GRIK2: variants seen among roughly 807,000 people sequenced by gnomAD.
GRIK2 encodes glutamate receptor ionotropic, kainate 2.
A neutral mutation model predicts 100.3 loss-of-function variants in GRIK2; 32 were observed. The ratio of observed to expected loss-of-function variants is 0.32; its 90% CI spans 0.24 to 0.43. The LOEUF (loss-of-function observed/expected upper bound fraction) is 0.43. Ranked by LOEUF, GRIK2 falls within the 20% of genes least tolerant of loss-of-function variation. GRIK2 has a pLI of 1.00. For synonymous variants in GRIK2, 417 were observed against 389.4 expected (o/e 1.07, Z -0.83); for missense variants, 843 against 1,114.9 (o/e 0.76, Z 3.47).
chr6:101,827,734 A>G (rs1021718672), intron 10 of GRIK2, among the ~76,000 whole-genome samples: 1 of 152,030 alleles, frequency 6.6e-6, no homozygotes, highest in Non-Finnish European at 1.5e-5. Flanking sequence ...AAGAAGATTT[A>G]CTACTCTAAA....
At chr6:101,898,165 AC>A (rs1312034974) in intron 12 of GRIK2, among the ~76,000 whole-genome samples, 1 of 151,794 alleles carries the variant, frequency 6.6e-6, no homozygotes, top group African/African-American at 2.4e-5. Flanking sequence ...CCAGCCCCTC[AC>A]CCTCACCACA....
intron 16 of GRIK2, among the ~76,000 whole-genome samples, chr6:102,055,862 A>T (rs1192778762): frequency 6.6e-6 from 1 of 152,082 alleles, no homozygotes; most frequent in Non-Finnish European, 1.5e-5. Flanking sequence ...CTTAAAAAAT[A>T]AACTTTTGTT....
intron 4 of GRIK2, among the ~76,000 whole-genome samples, chr6:101,635,867 A>G (rs1406701869): frequency 6.6e-6 from 1 of 152,140 alleles, no homozygotes; most frequent in South Asian, 2.1e-4. Flanking sequence ...GCTGGAGAGG[A>G]TGTGGAGAAA....
At chr6:101,794,866 A>ATT (rs554125741) in intron 7 of GRIK2, among the ~76,000 whole-genome samples, 42 of 134,774 alleles carry the variant, frequency 3.1e-4, no homozygotes, top group African/African-American at 4.9e-4. Context: ...GCTTGTTTCA[A>ATT]TTTTTTTTTT....
intron 14 of GRIK2, among the ~76,000 whole-genome samples, chr6:101,954,211 A>C (rs1253323011): frequency 6.6e-6 from 1 of 152,146 alleles, no homozygotes; most frequent in Non-Finnish European, 1.5e-5. Context: ...TGTTTTGACT[A>C]TGTCAGGTTC....
chr6:101,745,757 G>A (rs1776386046), intron 7 of GRIK2, among the ~76,000 whole-genome samples: 1 of 152,016 alleles, frequency 6.6e-6, no homozygotes, highest in South Asian at 2.1e-4. Context: ...ATGTTTCCCA[G>A]TTTCTCTCCT....
At chr6:101,665,631 TG>T (rs1206758554) in intron 4 of GRIK2, among the ~76,000 whole-genome samples, 1 of 152,236 alleles carries the variant, frequency 6.6e-6, no homozygotes, top group African/African-American at 2.4e-5. Context: ...TATGAATTGC[TG>T]TTGGATATAC....
chr6:101,508,785 T>C (rs953953587), intron 2 of GRIK2, among the ~76,000 whole-genome samples: 6 of 152,186 alleles, frequency 3.9e-5, no homozygotes, highest in African/African-American at 1.4e-4. Flanking sequence ...GAATTCCATT[T>C]CTGATATGTT....
chr6:101,914,041 A>T (rs1050443202), intron 12 of GRIK2, among the ~76,000 whole-genome samples: 1 of 151,546 alleles, frequency 6.6e-6, no homozygotes, highest in Admixed American at 6.6e-5. Flanking sequence ...TAGGTGAGAG[A>T]ATCAAAAGAT....
chr6:101,966,988 A>C (rs2128484576), intron 14 of GRIK2, among the ~76,000 whole-genome samples: 1 of 152,160 alleles, frequency 6.6e-6, no homozygotes, highest in South Asian at 2.1e-4. Flanking sequence ...TATTAAGCTA[A>C]GTTTTAAGTT....
chr6:101,627,422 G>C (rs377421184), intron 4 of GRIK2, among the ~76,000 whole-genome samples: 1 of 152,080 alleles, frequency 6.6e-6, no homozygotes, highest in Non-Finnish European at 1.5e-5. Context: ...GATTACAGGT[G>C]TGAGCCACTG....
In GRIK2 at chr6:101,541,377, CACACACACACACACA is replaced by C. The variant is rs1775980792; in HGVS notation, c.116-80571_116-80557del. On this transcript the variant is annotated intron_variant, in intron 2 of 16. Coordinates refer to ENST00000369134, the MANE Select transcript of GRIK2 (RefSeq NM_021956.5). ...GATGTTACACCCCAGCGCACACAACCACACACACACACACACACACACACACACACACACACACAC... is the reference window on the plus strand; with the variant it reads ...GATGTTACACCCCAGCGCACACAACCCACACACACACACACACACACACAC... 5.7e-3 allele frequency among the ~76,000 whole-genome samples: 832 copies of C among 145,332 alleles called. 7 individuals are homozygous for C. Among genetic ancestry groups the C allele is most frequent in the Non-Finnish European group, 7.5e-3 (503 of 67,048 alleles).
intron 14 of GRIK2, among the ~76,000 whole-genome samples, chr6:101,984,614 A>AACACACACACACACACACACACACAC (rs10678285): frequency 2.3e-5 from 3 of 129,158 alleles, no homozygotes; most frequent in South Asian, 2.7e-4. Flanking sequence ...TACACATTAA[A>AACACACACACACACACACACACACAC]ACACACACAC....
intron 12 of GRIK2, among the ~76,000 whole-genome samples, chr6:101,921,651 G>T (rs1789528391): frequency 1.3e-5 from 2 of 152,052 alleles, no homozygotes; most frequent in African/African-American, 4.8e-5. Context: ...AGATAAGGTA[G>T]ACCACAGACA....
intron 2 of GRIK2, among the ~76,000 whole-genome samples, chr6:101,486,625 T>C (rs1772849965): frequency 6.6e-6 from 1 of 152,306 alleles, no homozygotes; most frequent in African/African-American, 2.4e-5. Flanking sequence ...CTTTTGTTTA[T>C]TGAAACTAAA....
chr6:102,058,104 T>C (rs1206951235), intron 16 of GRIK2, among the ~76,000 whole-genome samples: 3 of 151,870 alleles, frequency 2.0e-5, no homozygotes, highest in Non-Finnish European at 4.4e-5. Context: ...GCTGGGAAGG[T>C]ATTTTGCTCA....
chr6:102,042,123 G>GT (rs1346699398), intron 15 of GRIK2, among the ~76,000 whole-genome samples: 1 of 151,548 alleles, frequency 6.6e-6, no homozygotes, highest in Non-Finnish European at 1.5e-5. Flanking sequence ...AAGCAAAATG[G>GT]TTTTCCATTT....
chr6:102,017,624 TTCTG>T (rs1023635168), intron 14 of GRIK2, among the ~76,000 whole-genome samples: 2 of 152,158 alleles, frequency 1.3e-5, no homozygotes, highest in African/African-American at 2.4e-5. Flanking sequence ...TTCTGCCCCT[TTCTG>T]TCTTTCTTCT....
chr6:101,462,115 G>A (rs937475064), intron 2 of GRIK2, among the ~76,000 whole-genome samples: 1 of 152,140 alleles, frequency 6.6e-6, no homozygotes, highest in Admixed American at 6.5e-5. Flanking sequence ...CTTTCAGGGT[G>A]TTAAATGTTA....
Sources: allele counts gnomAD v4.1 joint callset (sites outside exome capture counted in the v4.1 genomes callset), GRCh38; gene constraint gnomAD v4.1.1; transcripts MANE v1.5; gene names NCBI Gene and HGNC (gene_info 2026-07-23, HGNC 2026-07-21).